CLEC2B: variants seen among roughly 807,000 people sequenced by gnomAD.
CLEC2B encodes the protein C-type (calcium dependent, carbohydrate-recognition domain) lectin, superfamily member 2 (activation-induced).
In CLEC2B, 14 loss-of-function variants were observed where a neutral mutation model predicts 16.2. The observed-to-expected ratio is 0.86, with a 90% CI of 0.57 to 1.35. The LOEUF (loss-of-function observed/expected upper bound fraction) is 1.35, where lower values mean the gene tolerates loss of function less well. Ranked by LOEUF, CLEC2B falls within the 40% of genes most tolerant of loss-of-function variation. CLEC2B has a pLI of 0.00. For synonymous variants in CLEC2B, 42 were observed against 55.8 expected, an observed-to-expected ratio of 0.75 and a Z score of 1.10; for missense variants, 166 against 182.3, an observed-to-expected ratio of 0.91 and a Z score of 0.52.
intron 1 of CLEC2B, among the ~76,000 whole-genome samples, chr12:9,865,040 T>G (rs1273088263): frequency 1.3e-5 from 2 of 151,600 alleles, no homozygotes; most frequent in Admixed American, 1.3e-4. Context: ...AAACTTAGCT[T>G]GGTGTGGTGG....
At chr12:9,853,579 C>G (rs552006703) in intron 4 of CLEC2B, among the ~76,000 whole-genome samples, 171 bp from the exon 5 acceptor site, 1 of 152,276 alleles carries the variant, frequency 6.6e-6, no homozygotes, top group African/African-American at 2.4e-5. Flanking sequence ...AGTTTCTTTT[C>G]CAAGAATTTG....
chr12:9,866,157 C>G (rs182176344), intron 1 of CLEC2B, among the ~76,000 whole-genome samples: 15 of 152,150 alleles, frequency 9.9e-5, no homozygotes, highest in African/African-American at 2.4e-4. Flanking sequence ...AAATCAAGCT[C>G]TTTCTGATGA....
At chr12:9,865,685 G>A (rs1867965665) in intron 1 of CLEC2B, among the ~76,000 whole-genome samples, 1 of 152,112 alleles carries the variant, frequency 6.6e-6, no homozygotes, top group Non-Finnish European at 1.5e-5. Flanking sequence ...ACGTACAGAA[G>A]CACTGCTGCA....
At chr12:9,865,757 A>C (rs1867966197) in intron 1 of CLEC2B, among the ~76,000 whole-genome samples, 1 of 152,192 alleles carries the variant, frequency 6.6e-6, no homozygotes, top group Non-Finnish European at 1.5e-5. Context: ...ATTGTAGGCC[A>C]AAAAACAAGT....
chr12:9,857,373 A>G (rs1229297549), intron 3 of CLEC2B, 101 bp downstream of exon 3: 2 of 833,018 alleles, frequency 2.4e-6, no homozygotes, highest in African/African-American at 1.7e-5. Context: ...TTCTGCATAG[A>G]TAGGCATGAG....
chr12:9,853,200 C>T lies in CLEC2B; in HGVS notation c.*100G>A. 3 of 901,556 alleles carry T rather than the reference C, an allele frequency of 3.3e-6. No homozygotes were observed. The highest frequency in any genetic ancestry group is 5.2e-6 in the Non-Finnish European group (3 of 572,286). The allele number at this position is 901,556 out of a possible 1,614,324, so 55.8% of individuals were successfully genotyped here. On this transcript the variant is annotated 3_prime_UTR_variant, in exon 5 of 5. Coordinates refer to ENST00000228438, the MANE Select transcript of CLEC2B (RefSeq NM_005127.3). ...TGACACGTAAGCAGAATTAACCAGACAGGTACAAAACTCGAACTTTGTTTA... is the reference window on the plus strand; with the variant it reads ...TGACACGTAAGCAGAATTAACCAGATAGGTACAAAACTCGAACTTTGTTTA...
At position 9,869,197 on chromosome 12, in the gene CLEC2B, G is replaced by A. The variant is rs1867995842; in HGVS notation, c.-3+8C>T. On this transcript the variant is annotated splice_region_variant and intron_variant, in intron 1 of 4. Transcript: ENST00000228438. ...ACGGTCATTCTAAACAAACAAAAAT[G>A]TTCTTACCGTGCTTCTTTTAATCAG... 6.6e-6 allele frequency: 1 copy of A among 152,076 alleles called. No individual in the cohort carries two copies. The highest frequency in any genetic ancestry group is 2.4e-5 in the African/African-American group (1 of 41,430). 9.4% of individuals were successfully genotyped at this position (152,076 alleles called of 1,614,324 possible).
At chr12:9,864,303 TAAAGGGAGTTCTTCAACCAA>T (rs1449494747) in intron 1 of CLEC2B, among the ~76,000 whole-genome samples, 1 of 151,790 alleles carries the variant, frequency 6.6e-6, no homozygotes, top group East Asian at 1.9e-4. Flanking sequence ...TAAGAAATGC[TAAAGGGAGTTCTTCAACCAA>T]AAAGAAAAAA....
chr12:9,854,794 G>C, intron 3 of CLEC2B: 1 of 428,360 alleles, frequency 2.3e-6, no homozygotes, highest in South Asian at 4.2e-5. Context: ...TTGAAATTGA[G>C]CTCTCGCACA....
chr12:9,855,298 C>T (rs33871), intron 3 of CLEC2B, among the ~76,000 whole-genome samples: 82,557 of 151,878 alleles, frequency 0.54, 22,603 homozygotes, highest in African/African-American at 0.57. Flanking sequence ...TTTGACATTT[C>T]AATACACTAT....
In CLEC2B at chr12:9,853,213, C is replaced by T. The variant is rs780456569; in HGVS notation, c.*87G>A. 5.0e-5 allele frequency: 53 copies of T among 1,053,640 alleles called. No homozygotes were observed. The highest frequency in any genetic ancestry group is 1.6e-4 in the Admixed American group (8 of 50,294). 65.3% of individuals were successfully genotyped at this position (1,053,640 alleles called of 1,614,324 possible). On this transcript the variant is annotated 3_prime_UTR_variant, in exon 5 of 5. Transcript: ENST00000228438. ...GAATTAACCAGACAGGTACAAAACT[C>T]GAACTTTGTTTAATTAAAAAAGTAC...
chr12:9,853,703 A>C (rs948343579), intron 4 of CLEC2B, among the ~76,000 whole-genome samples: 1 of 152,168 alleles, frequency 6.6e-6, no homozygotes, highest in Non-Finnish European at 1.5e-5. Flanking sequence ...GGGACACTTG[A>C]CAGTATTTGG....
intron 1 of CLEC2B, among the ~76,000 whole-genome samples, chr12:9,864,533 T>C (rs1293782277): frequency 6.6e-6 from 1 of 152,164 alleles, no homozygotes. Flanking sequence ...AATATGTGAA[T>C]TGGGAAAACT....
chr12:9,854,807 A>G, intron 3 of CLEC2B: 1 of 405,706 alleles, frequency 2.5e-6, no homozygotes, highest in African/African-American at 2.1e-5. Context: ...CTCGCACAGC[A>G]TTTCCAATTA....
At position 9,864,178 on chromosome 12, in the gene CLEC2B, C is replaced by A. The variant is rs187590095; in HGVS notation, c.-2-1605G>T. ...TTTAAGTGCTGAAAAAAAAAAAAAA[C>A]CCTGCCATCTAAGAATACCATATCC... On this transcript the variant is annotated intron_variant, in intron 1 of 4. Coordinates refer to ENST00000228438, the MANE Select transcript of CLEC2B (RefSeq NM_005127.3). 4.2e-3 allele frequency among the ~76,000 whole-genome samples: 493 copies of A among 116,446 alleles called. 13 individuals are homozygous for A. The highest frequency in any genetic ancestry group is 0.039 in the Admixed American group (472 of 12,092). The allele number at this position is 116,446 out of a possible 152,430, so 76.4% of individuals were successfully genotyped here.
chr12:9,868,190 C>T lies in CLEC2B; in HGVS notation c.-3+1015G>A, dbSNP rs905375417. Reference sequence around the variant, plus strand: ...TTGTATTATATAATGTATTTATATACAAATGTATAAATTTATACAATTGAT... The same window carrying T: ...TTGTATTATATAATGTATTTATATATAAATGTATAAATTTATACAATTGAT... On this transcript the variant is annotated intron_variant, in intron 1 of 4. Transcript: ENST00000228438. 3.5e-4 allele frequency among the ~76,000 whole-genome samples: 52 copies of T among 150,378 alleles called. 1 individual carries two copies. Among genetic ancestry groups the T allele is most frequent in the African/African-American group, 1.2e-3 (51 of 41,114 alleles).
At chr12:9,865,778 T>TA (rs1454731487) in intron 1 of CLEC2B, among the ~76,000 whole-genome samples, 1 of 152,018 alleles carries the variant, frequency 6.6e-6, no homozygotes, top group Non-Finnish European at 1.5e-5. Flanking sequence ...CTCAATAAAT[T>TA]AAAAAAAGTA....
chr12:9,865,239 C>G (rs1464119489), intron 1 of CLEC2B, among the ~76,000 whole-genome samples: 1 of 145,212 alleles, frequency 6.9e-6, no homozygotes, highest in African/African-American at 2.6e-5. Context: ...AAAGAGAAAA[C>G]CCTAACTGTA....
intron 2 of CLEC2B, 47 bp from the exon 3 acceptor site, chr12:9,857,684 T>C: frequency 2.1e-6 from 3 of 1,415,246 alleles, no homozygotes; most frequent in Non-Finnish European, 3.0e-6. Flanking sequence ...TAGAATAATA[T>C]GCTACTGTGT....
Sources: gnomAD v4.1 joint callset for allele counts (sites outside exome capture counted in the v4.1 genomes callset) on GRCh38, gnomAD v4.1.1 for gene constraint, MANE v1.5 for transcripts, NCBI Gene and HGNC (gene_info 2026-07-23, HGNC 2026-07-21) for gene names.